ABCA1: variants seen among roughly 807,000 people sequenced by gnomAD.
ABCA1 encodes ATP binding cassette subfamily A member 1, also known as phospholipid-transporting ATPase ABCA1.
Under a neutral mutation model 262.5 loss-of-function variants are expected in ABCA1, and 133 were observed. That is an observed-to-expected ratio of 0.51 (90% CI 0.44 to 0.59). The LOEUF (loss-of-function observed/expected upper bound fraction) is 0.59, where lower values mean the gene tolerates loss of function less well. Among genes scored for constraint, ABCA1 ranks in the 20% least tolerant of loss-of-function variants. The probability of loss-of-function intolerance (pLI) is 0.00; values close to 1 mark genes in which losing one functional copy is unlikely to be tolerated. For missense variants in ABCA1, 2,452 were observed against 2,777.5 expected, an observed-to-expected ratio of 0.88 and a Z score of 2.63; for synonymous variants, 1,022 against 1,043.5, an observed-to-expected ratio of 0.98 and a Z score of 0.40.
chr9:104,786,650 C>T (rs1828956938), intron 47 of ABCA1, among the ~76,000 whole-genome samples: 1 of 152,064 alleles, frequency 6.6e-6, no homozygotes, highest in Non-Finnish European at 1.5e-5. Flanking sequence ...AGAAATGACA[C>T]CTAAATGCAC....
chr9:104,840,833 A>G (rs1454455218), intron 8 of ABCA1, among the ~76,000 whole-genome samples: 5 of 152,164 alleles, frequency 3.3e-5, no homozygotes, highest in Non-Finnish European at 7.3e-5. Context: ...GGTGATTCCT[A>G]TGCTCACTAA....
At chr9:104,832,873 T>G (rs969698962) in intron 11 of ABCA1, 102 bp from the exon 12 acceptor site, 1 of 1,103,688 alleles carries the variant, frequency 9.1e-7, no homozygotes, top group Non-Finnish European at 1.4e-6. Context: ...CGTTGTTTTA[T>G]CCTCACAGAA....
intron 1 of ABCA1, among the ~76,000 whole-genome samples, chr9:104,904,275 A>G (rs1249606788): frequency 2.0e-4 from 31 of 152,206 alleles, no homozygotes; most frequent in Admixed American, 2.0e-3. Context: ...TTCAAATGAT[A>G]AAAAGCACCA....
Position 104,818,745 on chromosome 9 carries a change from T to C in ABCA1, c.3380A>G (p.Tyr1127Cys), listed in dbSNP as rs1213515910. ...CACATCTTTCTTGACCAAGGTCAGG[T>C]AGTAGCCTGTTCCCAGCTGGTTCTT... The part of the protein sequence containing the change: ...FLKNQLGTGY[Y>C]LTLVKKDVES... The change falls in exon 23 of 50, where the codon TAC (tyrosine) becomes TGC (cysteine). Residue 1127 changes from tyrosine to cysteine, a missense_variant. Physicochemically the swap from Tyr to Cys is radical, Grantham distance 194. Around this residue, in one of 4 missense-constraint regions of ABCA1, gnomAD observed 665 missense variants for 727.3 expected, o/e 0.91. Coordinates refer to ENST00000374736, the MANE Select transcript of ABCA1 (RefSeq NM_005502.4). 6.2e-7 allele frequency: 1 copy of C among 1,613,848 alleles called. No homozygotes were observed. Among genetic ancestry groups the C allele is most frequent in the South Asian group, 1.1e-5 (1 of 91,064 alleles).
chr9:104,822,604 AC>A lies in ABCA1; in HGVS notation c.2719del (p.Val907SerfsTer6). On this transcript the variant is annotated frameshift_variant, in exon 19 of 50. Transcript: ENST00000374736. LOFTEE classifies it high-confidence loss of function. ...AGCCACCTTCATCCCATCTCGGTAGACTTTTACCAGGTTCTGAATGGACACG... is the reference window on the plus strand; with the variant it reads ...AGCCACCTTCATCCCATCTCGGTAGATTTTACCAGGTTCTGAATGGACACG... The part of the protein sequence containing the change: ...LGVSIQNLVK[V>X]YRDGMKVAVD... 1.2e-6 allele frequency: 2 copies of A among 1,614,062 alleles called. No individual in the cohort carries two copies. Among genetic ancestry groups the A allele is most frequent in the Non-Finnish European group, 1.7e-6 (2 of 1,180,002 alleles).
intron 5 of ABCA1, among the ~76,000 whole-genome samples, chr9:104,864,410 G>C (rs1250443717): frequency 1.3e-5 from 2 of 152,022 alleles, no homozygotes; most frequent in African/African-American, 4.8e-5. Flanking sequence ...CAGGAAGGAA[G>C]GTGTAAGCTG....
At position 104,844,802 on chromosome 9, in the gene ABCA1, C is replaced by T. The variant is rs370793374; in HGVS notation, c.813+675G>A. On this transcript the variant is annotated intron_variant, in intron 8 of 49. Coordinates refer to ENST00000374736, the MANE Select transcript of ABCA1 (RefSeq NM_005502.4). ...TGCTGGGGGACACCAGACAGTTCCT[C>T]GCTTCCAAGCCTAATTTGAGACAAG... Among the ~76,000 whole-genome samples, 17 of 152,110 alleles carry T rather than the reference C, an allele frequency of 1.1e-4. No homozygotes were observed. In the East Asian group the frequency reaches 1.2e-3, roughly 10 times the overall value.
chr9:104,866,895 T>C (rs911250825), intron 5 of ABCA1, among the ~76,000 whole-genome samples: 4 of 152,354 alleles, frequency 2.6e-5, no homozygotes, highest in Admixed American at 6.5e-5. Flanking sequence ...TAGAAATTCC[T>C]TGAGGGCCAG....
rs1213008094 is a variant in ABCA1 at position 104,793,447 on chromosome 9, CAA to C, written c.5507-149_5507-148del. ...ACCCATGACAAGGAAAAAAGAGTAA[CAA>C]GAGAGTGATCACTTTCCAAGTCTGA... On this transcript the variant is annotated intron_variant, in intron 40 of 49. Transcript: ENST00000374736. 4 of 1,187,306 alleles carry C rather than the reference CAA, an allele frequency of 3.4e-6. No homozygotes were observed. The African/African-American group carries it at 4.6e-5, about 14-fold the overall frequency. 73.5% of individuals were successfully genotyped at this position (1,187,306 alleles called of 1,614,324 possible). A position where few individuals can be genotyped will look rare whatever the true frequency, so the allele number is the denominator to read the frequency against.
chr9:104,913,827 G>T (rs1031291286), intron 1 of ABCA1, among the ~76,000 whole-genome samples: 21 of 152,002 alleles, frequency 1.4e-4, no homozygotes, highest in South Asian at 2.1e-4. Flanking sequence ...ATGGAGTCTG[G>T]CTCTGTCGCC....
At chr9:104,854,875 T>C (rs574983307) in intron 7 of ABCA1, among the ~76,000 whole-genome samples, 1 of 152,368 alleles carries the variant, frequency 6.6e-6, no homozygotes, top group East Asian at 1.9e-4. Flanking sequence ...ATCTTTTGAG[T>C]TGAGTCCAGC....
rs1456878890 is a variant in ABCA1 at position 104,782,527 on chromosome 9, A to G, written c.*1788T>C. 6.6e-6 allele frequency: 1 copy of G among 152,182 alleles called. No individual in the cohort carries two copies. Among genetic ancestry groups the G allele is most frequent in the African/African-American group, 2.4e-5 (1 of 41,462 alleles). 9.4% of individuals were successfully genotyped at this position (152,182 alleles called of 1,614,324 possible). On this transcript the variant is annotated 3_prime_UTR_variant, in exon 50 of 50. Coordinates refer to ENST00000374736, the MANE Select transcript of ABCA1 (RefSeq NM_005502.4). ...TCTCTCAAGACAGTTAACAGTAAGT[A>G]TTAGTGAAACAGTATTTTTACAAAT...
chr9:104,881,843 G>A (rs7859265), intron 5 of ABCA1, among the ~76,000 whole-genome samples: 3 of 151,612 alleles, frequency 2.0e-5, no homozygotes, highest in East Asian at 1.9e-4. Flanking sequence ...ACAGCATCTC[G>A]ATGGCCTGGC....
rs1385406557 is a variant in ABCA1 at position 104,834,649 on chromosome 9, A to T, written c.1312-1878T>A. ...ACGTGGCCTCTCTGGGGTGCTCGTG[A>T]GGGGCAGGAGACCTAAGACTGCCCG... On this transcript the variant is annotated intron_variant, in intron 11 of 49. Transcript: ENST00000374736. Among the ~76,000 whole-genome samples, 12 of 148,758 alleles carry T rather than the reference A, an allele frequency of 8.1e-5. 2 individuals carry two copies. In the South Asian group the frequency reaches 1.5e-3, roughly 19 times the overall value.
intron 11 of ABCA1, among the ~76,000 whole-genome samples, chr9:104,834,977 G>A (rs1355450829): frequency 3.3e-5 from 5 of 152,064 alleles, no homozygotes; most frequent in Admixed American, 6.6e-5. Context: ...GGCCGGGCGC[G>A]GTGGCTCATG....
intron 1 of ABCA1, among the ~76,000 whole-genome samples, chr9:104,926,743 G>C (rs1412082422): frequency 6.6e-6 from 1 of 152,180 alleles, no homozygotes; most frequent in Non-Finnish European, 1.5e-5. Context: ...GGTTACTCCC[G>C]GTCATTCCAC....
Position 104,785,519 on chromosome 9 carries a change from G to A in ABCA1, c.6522C>T (p.Asn2174=). 6.2e-7 allele frequency: 1 copy of A among 1,602,116 alleles called. No homozygotes were observed. Among genetic ancestry groups the A allele is most frequent in the South Asian group, 1.1e-5 (1 of 90,886 alleles). The part of the protein sequence containing the change: ...PGSVLKEKHR[N]MLQYQLPSSL... ...AAGATGGAAGCTGGTATTGTAGCATGTTCCGGTGTTTCTCTTTTAGAACAC... is the reference window on the plus strand; with the variant it reads ...AAGATGGAAGCTGGTATTGTAGCATATTCCGGTGTTTCTCTTTTAGAACAC... Residue 2174 remains asparagine (N), a synonymous_variant, in exon 49 of 50, where the codon AAC becomes AAT. Transcript: ENST00000374736.
intron 2 of ABCA1, among the ~76,000 whole-genome samples, chr9:104,894,554 C>T (rs553612115): frequency 3.3e-5 from 5 of 152,352 alleles, no homozygotes; most frequent in Admixed American, 2.0e-4. Context: ...TTGTTATACA[C>T]ATTTTACAGA....
chr9:104,846,510 C>T (rs1834901874), intron 7 of ABCA1, among the ~76,000 whole-genome samples: 1 of 152,182 alleles, frequency 6.6e-6, no homozygotes, highest in Non-Finnish European at 1.5e-5. Context: ...ATAATGTAGA[C>T]TACACAAGAA....
Sources: allele counts gnomAD v4.1 joint callset (sites outside exome capture counted in the v4.1 genomes callset), GRCh38; gene constraint gnomAD v4.1.1; regional missense constraint gnomAD v4.1.1; transcripts MANE v1.5; gene names NCBI Gene and HGNC (gene_info 2026-07-23, HGNC 2026-07-21).